Variants in CSNK2A2IP observed in about 807,000 individuals in gnomAD.
CSNK2A2IP encodes the protein casein kinase II subunit alpha'-interacting protein.
chr3:88,353,907 T>C, the CSNK2A2IP span, among the ~76,000 whole-genome samples: 2 of 152,116 alleles, frequency 1.3e-5, no homozygotes, highest in African/African-American at 4.8e-5. Flanking sequence ...AACTCTTATG[T>C]TAAAATTTGA....
At chr3:88,458,722 G>A in the CSNK2A2IP span, among the ~76,000 whole-genome samples, 1 of 151,834 alleles carries the variant, frequency 6.6e-6, no homozygotes, top group African/African-American at 2.4e-5. Flanking sequence ...CCCTTCCTAT[G>A]TTCAGCTTCA....
chr3:88,420,607 T>A, the CSNK2A2IP span, among the ~76,000 whole-genome samples: 2 of 152,144 alleles, frequency 1.3e-5, no homozygotes, highest in Non-Finnish European at 2.9e-5. Flanking sequence ...TAATCGGCAG[T>A]AGATTCATTC....
chr3:88,454,175 A>G, the CSNK2A2IP span, among the ~76,000 whole-genome samples: 2 of 152,014 alleles, frequency 1.3e-5, no homozygotes, highest in African/African-American at 4.8e-5. Flanking sequence ...GGATTCCTCT[A>G]AAGAATAATG....
chr3:88,394,729 T>C, the CSNK2A2IP span, among the ~76,000 whole-genome samples: 1 of 152,248 alleles, frequency 6.6e-6, no homozygotes. Flanking sequence ...ACCCATTTAT[T>C]GACTATATAT....
chr3:88,460,324 T>C, the CSNK2A2IP span, among the ~76,000 whole-genome samples: 3 of 152,184 alleles, frequency 2.0e-5, no homozygotes, highest in African/African-American at 7.2e-5. Context: ...CATTCAGAAA[T>C]GCTATTTTTC....
At chr3:88,393,461 C>A in the CSNK2A2IP span, among the ~76,000 whole-genome samples, 1 of 151,838 alleles carries the variant, frequency 6.6e-6, no homozygotes, top group Non-Finnish European at 1.5e-5. Flanking sequence ...TATAAACAGA[C>A]GTGAAGTTGA....
the CSNK2A2IP span, among the ~76,000 whole-genome samples, chr3:88,413,622 T>A: frequency 4.0e-5 from 6 of 151,850 alleles, no homozygotes; most frequent in Non-Finnish European, 8.8e-5. Context: ...TGTGTGTGTA[T>A]GTGTGTGTGT....
At chr3:88,457,699 A>ATAAAATAAAG in the CSNK2A2IP span, among the ~76,000 whole-genome samples, 1 of 82,404 alleles carries the variant, frequency 1.2e-5, no homozygotes, top group African/African-American at 3.6e-5. Context: ...CAGTCTCAAA[A>ATAAAATAAAG]TAAAATAAAA....
the CSNK2A2IP span, among the ~76,000 whole-genome samples, chr3:88,397,156 T>C: frequency 6.6e-6 from 1 of 152,090 alleles, no homozygotes; most frequent in Non-Finnish European, 1.5e-5. Context: ...TCAGGTGAAA[T>C]CTTAGGTGAA....
the CSNK2A2IP span, among the ~76,000 whole-genome samples, chr3:88,461,978 G>A: frequency 1.8e-4 from 27 of 151,788 alleles, no homozygotes; most frequent in African/African-American, 5.8e-4. Flanking sequence ...TAATGAAGCC[G>A]AGGTTTTTTT....
chr3:88,402,062 A>G, the CSNK2A2IP span, among the ~76,000 whole-genome samples: 1 of 150,532 alleles, frequency 6.6e-6, no homozygotes, highest in African/African-American at 2.4e-5. Flanking sequence ...CAGCTTGTAG[A>G]TATCATACAT....
the CSNK2A2IP span, among the ~76,000 whole-genome samples, chr3:88,342,936 T>C: frequency 1.3e-5 from 2 of 152,132 alleles, no homozygotes; most frequent in South Asian, 2.1e-4. Context: ...CTTGTATTAC[T>C]GAGAAACTGA....
the CSNK2A2IP span, among the ~76,000 whole-genome samples, chr3:88,440,695 T>C: frequency 1.5e-4 from 23 of 152,042 alleles, no homozygotes; most frequent in East Asian, 4.2e-3. Context: ...AAATTAAAGC[T>C]TTTTTTTCCC....
At chr3:88,342,717 A>G in the CSNK2A2IP span, among the ~76,000 whole-genome samples, 1 of 151,862 alleles carries the variant, frequency 6.6e-6, no homozygotes, top group South Asian at 2.1e-4. Context: ...GTTAAAAAAA[A>G]AAAACCCAAA....
the CSNK2A2IP span, among the ~76,000 whole-genome samples, chr3:88,451,448 G>T: frequency 6.7e-6 from 1 of 149,922 alleles, no homozygotes; most frequent in Non-Finnish European, 1.5e-5. Flanking sequence ...CTGCTATTGA[G>T]TTGTGTGAGT....
the CSNK2A2IP span, among the ~76,000 whole-genome samples, chr3:88,442,727 G>T: frequency 1.3e-5 from 2 of 151,772 alleles, no homozygotes; most frequent in Non-Finnish European, 2.9e-5. Context: ...AAACAACAGA[G>T]TTGAGCTTGT....
chr3:88,351,085 G>A, the CSNK2A2IP span, among the ~76,000 whole-genome samples: 1 of 152,088 alleles, frequency 6.6e-6, no homozygotes, highest in African/African-American at 2.4e-5. Flanking sequence ...TTAGAAACGA[G>A]GCAAGGACTA....
At chr3:88,437,923 ACT>A in the CSNK2A2IP span, among the ~76,000 whole-genome samples, 1 of 152,144 alleles carries the variant, frequency 6.6e-6, no homozygotes, top group South Asian at 2.1e-4. Flanking sequence ...ACAATACTGA[ACT>A]CTCTATTATC....
chr3:88,411,921 G>C, the CSNK2A2IP span, among the ~76,000 whole-genome samples: 1 of 151,470 alleles, frequency 6.6e-6, no homozygotes, highest in Non-Finnish European at 1.5e-5. Flanking sequence ...AATTTCACCT[G>C]TTTCTCTTTA....
Sources: gnomAD v4.1 joint callset for allele counts (sites outside exome capture counted in the v4.1 genomes callset) on GRCh38, gnomAD v4.1.1 for gene constraint, MANE v1.5 for transcripts, NCBI Gene and HGNC (gene_info 2026-07-23, HGNC 2026-07-21) for gene names.